The following KCNMB1 variants were observed in gnomAD, a reference collection of about 807,000 sequenced individuals.
KCNMB1 encodes the protein potassium calcium-activated channel subfamily M regulatory beta subunit 1.
KCNMB1 carries 22 observed loss-of-function variants against 21.7 expected under a neutral mutation model. The ratio of observed to expected loss-of-function variants is 1.01; its 90% CI spans 0.72 to 1.45. The LOEUF is 1.45. Among genes scored for constraint, KCNMB1 ranks in the 40% most tolerant of loss-of-function variants. The pLI is 0.00. For missense variants in KCNMB1, 243 were observed against 243.4 expected, an observed-to-expected ratio of 1.00 and a Z score of 0.01; for synonymous variants, 114 against 107.6, an observed-to-expected ratio of 1.06 and a Z score of -0.37.
At chr5:170,387,714 TGG>T (rs1438555383) in intron 1 of KCNMB1, among the ~76,000 whole-genome samples, 2 of 152,198 alleles carry the variant, frequency 1.3e-5, no homozygotes, top group Non-Finnish European at 2.9e-5. Context: ...CTTGTGGGAA[TGG>T]GAGAGCCCAT....
chr5:170,379,120 C>A (rs954557383), intron 3 of KCNMB1, 147 bp from the exon 4 acceptor site: 19 of 940,730 alleles, frequency 2.0e-5, no homozygotes, highest in Non-Finnish European at 2.8e-5. Flanking sequence ...GCAGGCCATG[C>A]GCTGTACAGG....
At chr5:170,380,964 A>G (rs553526388) in intron 3 of KCNMB1, among the ~76,000 whole-genome samples, 4 of 152,226 alleles carry the variant, frequency 2.6e-5, no homozygotes, top group Non-Finnish European at 5.9e-5. Flanking sequence ...AGCACACGAT[A>G]AGAACTCAAA....
chr5:170,381,592 CCAG>C (rs1554087924), intron 3 of KCNMB1, among the ~76,000 whole-genome samples: 37 of 152,198 alleles, frequency 2.4e-4, no homozygotes, highest in Non-Finnish European at 4.6e-4. Context: ...CTGCTTCCTC[CCAG>C]CTCCTGCAGC....
Position 170,378,575 on chromosome 5 carries a change from A to T in KCNMB1, c.*129T>A. 1 of 972,094 alleles carries T rather than the reference A, an allele frequency of 1.0e-6. No individual in the cohort carries two copies. The highest frequency in any genetic ancestry group is 1.5e-6 in the Non-Finnish European group (1 of 649,156). 60.2% of individuals were successfully genotyped at this position (972,094 alleles called of 1,614,324 possible). A position where few individuals can be genotyped will look rare whatever the true frequency, so the allele number is the denominator to read the frequency against. ...TCAAAGGTTAGTCCTGCAACAGAAG[A>T]CAGCGTGGATTGGACTGGAAGAGTG... On this transcript the variant is annotated 3_prime_UTR_variant, in exon 4 of 4. Transcript: ENST00000274629.
chr5:170,378,538 C>T lies in KCNMB1; in HGVS notation c.*166G>A, dbSNP rs1257392181. 1.2e-5 allele frequency: 10 copies of T among 806,934 alleles called. No homozygotes were observed. Among genetic ancestry groups the T allele is most frequent in the Non-Finnish European group, 1.8e-5 (9 of 507,236 alleles). 50.0% of individuals were successfully genotyped at this position (806,934 alleles called of 1,614,324 possible). ...CATTCTTGAGCAGGCAATGACTTCACAAAAGGATTTCTCAAAGGTTAGTCC... is the reference window on the plus strand; with the variant it reads ...CATTCTTGAGCAGGCAATGACTTCATAAAAGGATTTCTCAAAGGTTAGTCC... On this transcript the variant is annotated 3_prime_UTR_variant, in exon 4 of 4. Coordinates refer to ENST00000274629, the MANE Select transcript of KCNMB1 (RefSeq NM_004137.4).
At chr5:170,387,741 G>T (rs1764535639) in intron 1 of KCNMB1, among the ~76,000 whole-genome samples, 2 of 152,140 alleles carry the variant, frequency 1.3e-5, no homozygotes, top group Non-Finnish European at 2.9e-5. Context: ...TTTTCTACCT[G>T]GCGTCAGTTG....
Position 170,378,672 on chromosome 5 carries a change from C to T in KCNMB1, c.*32G>A. On this transcript the variant is annotated 3_prime_UTR_variant, in exon 4 of 4. Transcript: ENST00000274629. ...TGGGGGCCCAGCCAGTCCCCTGTGCCCTGACAAGTGGTATGGCATGGATGG... is the reference window on the plus strand; with the variant it reads ...TGGGGGCCCAGCCAGTCCCCTGTGCTCTGACAAGTGGTATGGCATGGATGG... The T allele has an allele frequency of 6.4e-7, 1 of 1,571,282 alleles. No homozygotes were observed. Among genetic ancestry groups the T allele is most frequent in the Non-Finnish European group, 8.6e-7 (1 of 1,160,106 alleles).
At chr5:170,379,146 C>T (rs1432524621) in intron 3 of KCNMB1, among the ~76,000 whole-genome samples, 173 bp from the exon 4 acceptor site, 1 of 152,182 alleles carries the variant, frequency 6.6e-6, no homozygotes, top group African/African-American at 2.4e-5. Context: ...AGAGCACGCT[C>T]TCATTTGTGT....
In KCNMB1 at chr5:170,376,922, G is replaced by C. The variant is rs1300770557; in HGVS notation, c.*1782C>G. ...AAAACAAACAAAAAAAACTATAGTT[G>C]CCATTTTAAACACCTATGATGTGTC... On this transcript the variant is annotated 3_prime_UTR_variant, in exon 4 of 4. Transcript: ENST00000274629. 2 of 152,156 alleles carry C rather than the reference G, an allele frequency of 1.3e-5. No homozygotes were observed. The highest frequency in any genetic ancestry group is 2.9e-5 in the Non-Finnish European group (2 of 68,024). The allele number at this position is 152,156 out of a possible 1,614,324, so 9.4% of individuals were successfully genotyped here.
At chr5:170,384,161 C>A (rs1764372534) in intron 2 of KCNMB1, among the ~76,000 whole-genome samples, 1 of 152,228 alleles carries the variant, frequency 6.6e-6, no homozygotes. Flanking sequence ...GCAAGTGAAT[C>A]AGAACTTCTT....
chr5:170,378,288 A>C lies in KCNMB1; in HGVS notation c.*416T>G, dbSNP rs1764087270. On this transcript the variant is annotated 3_prime_UTR_variant, in exon 4 of 4. Transcript: ENST00000274629. Reference sequence around the variant, plus strand: ...GAGCTGCTGTTGCTCTTATTAGAGAATTCAAACAAAGAAGGGAGGCTCGCT... The same window carrying C: ...GAGCTGCTGTTGCTCTTATTAGAGACTTCAAACAAAGAAGGGAGGCTCGCT... 4 of 168,660 alleles carry C rather than the reference A, an allele frequency of 2.4e-5. 1 individual carries two copies. In the South Asian group the frequency reaches 7.6e-4, roughly 32 times the overall value. The allele number at this position is 168,660 out of a possible 1,614,324, so 10.4% of individuals were successfully genotyped here. A position where few individuals can be genotyped will look rare whatever the true frequency, so the allele number is the denominator to read the frequency against.
chr5:170,384,687 T>C (rs1016173067), intron 2 of KCNMB1, among the ~76,000 whole-genome samples: 5 of 152,226 alleles, frequency 3.3e-5, no homozygotes, highest in Admixed American at 2.6e-4. Flanking sequence ...GAACTGAGTG[T>C]CTTTGTTCCA....
rs778187074 is a variant in KCNMB1, at chr5:170,383,752, C to A, written c.233G>T (p.Trp78Leu). Reference sequence around the variant, plus strand: ...CCTGCCGGCAGCTGACACGTTGACCCACAGGCATGGGTACTGGGGCACCTT... The same window carrying A: ...CCTGCCGGCAGCTGACACGTTGACCAACAGGCATGGGTACTGGGGCACCTT... ...GKKVPQYPCL[W>L]VNVSAAGRWA... Residue 78 changes from tryptophan (W) to leucine (L), a missense_variant, in exon 3 of 4, where the codon TGG (tryptophan) becomes TTG (leucine). Coordinates refer to ENST00000274629, the MANE Select transcript of KCNMB1 (RefSeq NM_004137.4). The A allele has an allele frequency of 6.2e-7, 1 of 1,614,218 alleles. No homozygotes were observed. Among genetic ancestry groups the A allele is most frequent in the Non-Finnish European group, 8.5e-7 (1 of 1,180,034 alleles).
intron 1 of KCNMB1, among the ~76,000 whole-genome samples, chr5:170,386,886 A>G (rs1235249940): frequency 6.6e-6 from 1 of 151,824 alleles, no homozygotes; most frequent in African/African-American, 2.4e-5. Context: ...TCCCCTGGAC[A>G]TTGACTCCAC....
chr5:170,381,774 C>T (rs1764250408), intron 3 of KCNMB1, among the ~76,000 whole-genome samples: 1 of 152,218 alleles, frequency 6.6e-6, no homozygotes, highest in Non-Finnish European at 1.5e-5. Context: ...TGCTCTGGCC[C>T]ATATCACTCC....
intron 1 of KCNMB1, among the ~76,000 whole-genome samples, chr5:170,388,619 G>T (rs1422902493): frequency 6.6e-6 from 1 of 152,220 alleles, no homozygotes; most frequent in Non-Finnish European, 1.5e-5. Flanking sequence ...TGATAGCTGG[G>T]TCGACATCCT....
chr5:170,389,249 C>G lies in KCNMB1; in HGVS notation c.-25+10G>C, dbSNP rs547617444. On this transcript the variant is annotated intron_variant, in intron 1 of 3. Coordinates refer to ENST00000274629, the MANE Select transcript of KCNMB1 (RefSeq NM_004137.4). ...ATCACTTCCCAAGTGCTTTCAGGCC[C>G]GGTACTCACAGTCTTCCCGGCGTCC... 1 of 152,250 alleles carries G rather than the reference C, an allele frequency of 6.6e-6. No homozygotes were observed. Among genetic ancestry groups the G allele is most frequent in the East Asian group, 1.9e-4 (1 of 5,186 alleles). The allele number at this position is 152,250 out of a possible 1,614,324, so 9.4% of individuals were successfully genotyped here. A position where few individuals can be genotyped will look rare whatever the true frequency, so the allele number is the denominator to read the frequency against.
intron 2 of KCNMB1, 79 bp downstream of exon 2, chr5:170,385,235 G>A (rs1764416139): frequency 2.0e-6 from 3 of 1,503,980 alleles, no homozygotes; most frequent in Admixed American, 3.4e-5. Context: ...AGAGGGGTGA[G>A]TAGAAGGCCA....
intron 1 of KCNMB1, among the ~76,000 whole-genome samples, chr5:170,386,627 G>C (rs1374053609): frequency 6.6e-6 from 1 of 152,022 alleles, no homozygotes; most frequent in Non-Finnish European, 1.5e-5. Flanking sequence ...AAGGAGAGGA[G>C]GGCCCCAGAA....
Sources: gnomAD v4.1 joint callset for allele counts (sites outside exome capture counted in the v4.1 genomes callset) on GRCh38, gnomAD v4.1.1 for gene constraint, MANE v1.5 for transcripts, NCBI Gene and HGNC (gene_info 2026-07-23, HGNC 2026-07-21) for gene names.